SPTLC3: variants seen among roughly 807,000 people sequenced by gnomAD.
The protein encoded by SPTLC3 is serine palmitoyltransferase 3.
Under a neutral mutation model 59.3 loss-of-function variants are expected in SPTLC3, and 36 were observed. The ratio of observed to expected loss-of-function variants is 0.61; its 90% CI spans 0.47 to 0.80. The LOEUF is 0.80. Ranked by LOEUF, SPTLC3 falls within the 30% of genes least tolerant of loss-of-function variation. The pLI, the probability that SPTLC3 is intolerant of heterozygous loss-of-function variation, is 0.00. For missense variants in SPTLC3, 625 were observed against 685.1 expected (o/e 0.91, Z 0.98); for synonymous variants, 257 against 240.8 (o/e 1.07, Z -0.62).
chr20:13,035,685 A>G (rs1033795996), intron 1 of SPTLC3, among the ~76,000 whole-genome samples: 1 of 152,196 alleles, frequency 6.6e-6, no homozygotes, highest in Non-Finnish European at 1.5e-5. Flanking sequence ...TTTATCATAC[A>G]TGACTATACA....
intron 1 of SPTLC3, among the ~76,000 whole-genome samples, chr20:13,048,050 G>C (rs923168433): frequency 1.3e-5 from 2 of 151,982 alleles, no homozygotes; most frequent in African/African-American, 2.4e-5. Flanking sequence ...AGAATAACAG[G>C]CTTTAACTGA....
chr20:13,106,719 C>A (rs972336225), intron 6 of SPTLC3, among the ~76,000 whole-genome samples: 7 of 152,188 alleles, frequency 4.6e-5, no homozygotes, highest in Admixed American at 2.0e-4. Flanking sequence ...CCGTGCCCTA[C>A]GTGCCATTAA....
intron 6 of SPTLC3, among the ~76,000 whole-genome samples, chr20:13,098,945 T>C (rs535405681): frequency 7.9e-5 from 12 of 152,174 alleles, no homozygotes; most frequent in Non-Finnish European, 1.6e-4. Context: ...CTCTAACCCA[T>C]GGGAGTCTAT....
At chr20:13,115,522 T>G (rs6041877) in intron 7 of SPTLC3, among the ~76,000 whole-genome samples, 55,117 of 152,054 alleles carry the variant, frequency 0.36, 10,104 homozygotes, top group Admixed American at 0.4. Flanking sequence ...AAATGGCTAT[T>G]TGTGGCATGT....
At chr20:13,010,388 G>T (rs1985177059) in intron 1 of SPTLC3, among the ~76,000 whole-genome samples, 1 of 152,160 alleles carries the variant, frequency 6.6e-6, no homozygotes, top group South Asian at 2.1e-4. Context: ...AGGACAGGTG[G>T]GTCTGGCTGG....
At chr20:13,016,205 G>A (rs1029142299) in intron 1 of SPTLC3, among the ~76,000 whole-genome samples, 1 of 152,080 alleles carries the variant, frequency 6.6e-6, no homozygotes, top group East Asian at 1.9e-4. Context: ...TCAGAAAAGG[G>A]AAGGAAAGGA....
intron 9 of SPTLC3, among the ~76,000 whole-genome samples, chr20:13,129,990 C>T (rs1324134406): frequency 6.6e-6 from 1 of 150,482 alleles, no homozygotes; most frequent in Non-Finnish European, 1.5e-5. Flanking sequence ...TTTTTAGAGG[C>T]AAAATAGGAG....
intron 9 of SPTLC3, among the ~76,000 whole-genome samples, chr20:13,139,708 T>C (rs943179661): frequency 3.3e-5 from 5 of 152,188 alleles, no homozygotes; most frequent in African/African-American, 1.2e-4. Flanking sequence ...ATGAGTTTGG[T>C]GAGTAAGAAC....
In SPTLC3 at chr20:13,150,338, T is replaced by C. The variant is rs1207194217; in HGVS notation, c.1280-3665T>C. 3.9e-5 allele frequency among the ~76,000 whole-genome samples: 6 copies of C among 152,234 alleles called. No individual in the cohort carries two copies. In the East Asian group the frequency reaches 1.2e-3, roughly 29 times the overall value. Reference sequence around the variant, plus strand: ...TGTTATAAAATTCCTTTTGTTTTTTTAGCACAAAGGAGACTGTGTCTAAGC... The same window carrying C: ...TGTTATAAAATTCCTTTTGTTTTTTCAGCACAAAGGAGACTGTGTCTAAGC... On this transcript the variant is annotated intron_variant, in intron 9 of 11. Transcript: ENST00000399002.
At chr20:13,018,291 AT>A (rs1407048868) in intron 1 of SPTLC3, among the ~76,000 whole-genome samples, 8 of 152,174 alleles carry the variant, frequency 5.3e-5, no homozygotes, top group African/African-American at 1.9e-4. Flanking sequence ...TCTCAGTACC[AT>A]TTTCAATGCT....
At chr20:13,030,407 G>A (rs866968025) in intron 1 of SPTLC3, among the ~76,000 whole-genome samples, 7 of 152,258 alleles carry the variant, frequency 4.6e-5, no homozygotes, top group Middle Eastern at 6.8e-3. Flanking sequence ...CACTGAATAC[G>A]GGGGCTCCCT....
intron 4 of SPTLC3, among the ~76,000 whole-genome samples, chr20:13,084,278 A>G (rs1320406204): frequency 6.6e-6 from 1 of 152,230 alleles, no homozygotes; most frequent in Admixed American, 6.5e-5. Context: ...GAGAACGTGC[A>G]TACATTAATA....
intron 1 of SPTLC3, among the ~76,000 whole-genome samples, chr20:13,044,571 C>T (rs946330739): frequency 6.6e-6 from 1 of 152,100 alleles, no homozygotes; most frequent in Admixed American, 6.6e-5. Context: ...TTGTCTTTCT[C>T]TTTTTTCTCA....
At chr20:13,020,150 G>A (rs1041572756) in intron 1 of SPTLC3, among the ~76,000 whole-genome samples, 4 of 152,110 alleles carry the variant, frequency 2.6e-5, no homozygotes, top group African/African-American at 9.7e-5. Context: ...CACCAAAAAA[G>A]AGAATATCAC....
chr20:13,027,455 G>A (rs1986206755), intron 1 of SPTLC3, among the ~76,000 whole-genome samples: 1 of 151,736 alleles, frequency 6.6e-6, no homozygotes, highest in African/African-American at 2.4e-5. Flanking sequence ...GACAGAGCTG[G>A]ATAATATTAT....
At chr20:13,082,770 C>T (rs1988882382) in intron 4 of SPTLC3, among the ~76,000 whole-genome samples, 1 of 152,158 alleles carries the variant, frequency 6.6e-6, no homozygotes, top group African/African-American at 2.4e-5. Flanking sequence ...TTCACATCAG[C>T]CAAACACCAA....
chr20:13,102,345 G>A (rs1163479498), intron 6 of SPTLC3, among the ~76,000 whole-genome samples: 1 of 152,028 alleles, frequency 6.6e-6, no homozygotes, highest in Non-Finnish European at 1.5e-5. Flanking sequence ...ACTCATTTTA[G>A]CCTCATAACT....
chr20:13,070,627 C>A (rs1172697751), intron 2 of SPTLC3, among the ~76,000 whole-genome samples: 3 of 152,154 alleles, frequency 2.0e-5, no homozygotes, highest in Non-Finnish European at 4.4e-5. Flanking sequence ...AGTGACCCCT[C>A]ATTACCTGCA....
chr20:13,139,963 G>T (rs1272387528), intron 9 of SPTLC3, among the ~76,000 whole-genome samples: 1 of 152,150 alleles, frequency 6.6e-6, no homozygotes, highest in Non-Finnish European at 1.5e-5. Flanking sequence ...CTTTTTCACA[G>T]AACTCATTCC....
Sources: gnomAD v4.1 joint callset for allele counts (sites outside exome capture counted in the v4.1 genomes callset) on GRCh38, gnomAD v4.1.1 for gene constraint, MANE v1.5 for transcripts, NCBI Gene and HGNC (gene_info 2026-07-23, HGNC 2026-07-21) for gene names.